The following VPS13D variants were observed in gnomAD, a reference collection of about 807,000 sequenced individuals.
VPS13D encodes vacuolar protein sorting 13 homolog D.
Under a neutral mutation model 461.9 loss-of-function variants are expected in VPS13D, and 187 were observed. That is an observed-to-expected ratio of 0.40 (90% confidence interval 0.36 to 0.46). The LOEUF is 0.46. VPS13D is among the 20% of genes least tolerant of loss of function. The pLI is 0.60. For synonymous variants in VPS13D, 1,951 were observed against 1,986.3 expected (o/e 0.98, Z 0.47); for missense variants, 4,711 against 5,364.9 (o/e 0.88, Z 3.81).
At chr1:12,368,293 C>G (rs1389658150) in intron 52 of VPS13D, among the ~76,000 whole-genome samples, 175 bp from the exon 53 acceptor site, 2 of 152,158 alleles carry the variant, frequency 1.3e-5, no homozygotes, top group East Asian at 3.9e-4. Context: ...ATTTTGTAAT[C>G]ATATTACCAA....
chr1:12,444,189 A>G (rs566281590), intron 65 of VPS13D, among the ~76,000 whole-genome samples: 40 of 152,116 alleles, frequency 2.6e-4, no homozygotes, highest in Non-Finnish European at 5.0e-4. Context: ...TATTTTTACT[A>G]TGTTTATTCT....
rs940641086 is a variant in VPS13D, at chr1:12,505,052, C to G, written c.12795-1801C>G. Among the ~76,000 whole-genome samples the G allele has an allele frequency of 6.6e-6, 1 of 152,178 alleles. No homozygotes were observed. Among genetic ancestry groups the G allele is most frequent in the African/African-American group, 2.4e-5 (1 of 41,442 alleles). ...TTTTCATGCACATTCCTGCTGTCAT[C>G]CCAATCATGGTGGCCAACTTTGGAG... On this transcript the variant is annotated intron_variant, in intron 68 of 69. Transcript: ENST00000620676. This position sits in a 1 kb window ranked among gnomAD's most constrained non-coding sequence, Gnocchi z 4.2.
At chr1:12,322,017 A>T in intron 33 of VPS13D, 53 bp downstream of exon 33, 2 of 1,585,454 alleles carry the variant, frequency 1.3e-6, no homozygotes, top group South Asian at 1.2e-5. Flanking sequence ...ACACTGTCCT[A>T]TGCAGGCACT....
At chr1:12,254,513 CTTTTTTTTTTTTTTTTT>C (rs1017635589) in intron 7 of VPS13D, among the ~76,000 whole-genome samples, 75 of 78,242 alleles carry the variant, frequency 9.6e-4, no homozygotes, top group Admixed American at 1.5e-3. Context: ...AAATCTCAAT[CTTTTTTTTTTTTTTTTT>C]TTTTTTTTTT....
chr1:12,498,784 A>G (rs1645994920), intron 68 of VPS13D, among the ~76,000 whole-genome samples: 1 of 152,116 alleles, frequency 6.6e-6, no homozygotes, highest in South Asian at 2.1e-4. Flanking sequence ...CCCTCTTCTC[A>G]CTGTGTCCCC....
rs145577802 is a variant in VPS13D, at chr1:12,449,102, G to A, written c.12334-6896G>A. ...AAATAGCAACATGGTGTGCATCTTA[G>A]GGTAGGAGGGCTTTTAGATCTCCAG... is the stretch of plus-strand genomic sequence containing the variant. On this transcript the variant is annotated intron_variant, in intron 65 of 69. Transcript: ENST00000620676. Among the ~76,000 whole-genome samples, 214 of 152,058 alleles carry A rather than the reference G, an allele frequency of 1.4e-3. 5 individuals are homozygous for A. In the East Asian group the frequency reaches 0.019, roughly 13 times the overall value.
intron 21 of VPS13D, among the ~76,000 whole-genome samples, chr1:12,286,627 C>G (rs1569809198): frequency 6.6e-6 from 1 of 152,124 alleles, no homozygotes; most frequent in East Asian, 1.9e-4. Context: ...CTAGAGACCC[C>G]ATCAGATTCA....
intron 10 of VPS13D, among the ~76,000 whole-genome samples, chr1:12,259,045 C>CT (rs577485964): frequency 0.024 from 3,452 of 144,676 alleles, 70 homozygotes; most frequent in Middle Eastern, 0.036. Context: ...TCTTCTTCTT[C>CT]TTTTTTTTTT....
chr1:12,262,183 C>T lies in VPS13D; in HGVS notation c.1594+103C>T, dbSNP rs114860755. On this transcript the variant is annotated intron_variant, in intron 13 of 69. Coordinates refer to ENST00000620676, the MANE Select transcript of VPS13D (RefSeq NM_015378.4). ...GTGGGGATAGTCTAGAAAGTCAGTGCGAAAACTGTATTAGCTAATGTGGAA... is the reference window on the plus strand; with the variant it reads ...GTGGGGATAGTCTAGAAAGTCAGTGTGAAAACTGTATTAGCTAATGTGGAA... 1.0e-4 allele frequency: 131 copies of T among 1,289,880 alleles called. No homozygotes were observed. The African/African-American group carries it at 1.4e-3, about 14-fold the overall frequency. The allele number at this position is 1,289,880 out of a possible 1,614,324, so 79.9% of individuals were successfully genotyped here.
chr1:12,354,527 C>T (rs982875379), intron 47 of VPS13D, among the ~76,000 whole-genome samples: 1 of 151,992 alleles, frequency 6.6e-6, no homozygotes, highest in Non-Finnish European at 1.5e-5. Context: ...AAGTAAGACC[C>T]TGTCTCTTAA....
intron 65 of VPS13D, among the ~76,000 whole-genome samples, chr1:12,430,355 AAC>A (rs1045107791): frequency 6.6e-6 from 1 of 152,228 alleles, no homozygotes; most frequent in African/African-American, 2.4e-5. Flanking sequence ...TGGAGGGTCA[AAC>A]AGGGAGTTTG....
At position 12,231,417 on chromosome 1, in the gene VPS13D, C is replaced by T. The variant is rs901256725; in HGVS notation, c.-77+1297C>T. On this transcript the variant is annotated intron_variant, in intron 1 of 69. Transcript: ENST00000620676. Reference sequence around the variant, plus strand: ...TTACTGACCAGGTTGCCTCACAATGCTAATCACTCATGCTTTTAAAATCTG... The same window carrying T: ...TTACTGACCAGGTTGCCTCACAATGTTAATCACTCATGCTTTTAAAATCTG... Among the ~76,000 whole-genome samples the T allele has an allele frequency of 3.3e-5, 5 of 152,218 alleles. No individual in the cohort carries two copies. The South Asian group carries it at 8.3e-4, about 25-fold the overall frequency.
At chr1:12,342,368 T>G (rs1257978329) in intron 41 of VPS13D, among the ~76,000 whole-genome samples, 1 of 152,202 alleles carries the variant, frequency 6.6e-6, no homozygotes, top group Non-Finnish European at 1.5e-5. Flanking sequence ...AAAGGAGACT[T>G]TACCTAAGCC....
rs1036400127 is a variant in VPS13D, at chr1:12,458,990, G to A, written c.12467-1211G>A. Among the ~76,000 whole-genome samples the A allele has an allele frequency of 2.6e-5, 4 of 152,212 alleles. No individual in the cohort carries two copies. In the East Asian group the frequency reaches 7.7e-4, roughly 29 times the overall value. The stretch of plus-strand genomic sequence containing the variant: ...GCTTTTTGGGGTGCTCTTCATGAAG[G>A]TTTTATATAATCGCCGATACCGAAT... On this transcript the variant is annotated intron_variant, in intron 66 of 69. Transcript: ENST00000620676.
chr1:12,259,149 C>T (rs577034390), intron 10 of VPS13D, among the ~76,000 whole-genome samples: 3 of 151,246 alleles, frequency 2.0e-5, no homozygotes, highest in East Asian at 3.9e-4. Context: ...TCAAGCCATT[C>T]TCCCAACTCA....
chr1:12,236,082 C>A (rs981294549), intron 2 of VPS13D, among the ~76,000 whole-genome samples: 1 of 152,182 alleles, frequency 6.6e-6, no homozygotes, highest in African/African-American at 2.4e-5. Flanking sequence ...CTTTAAACTG[C>A]TTTTCTGCCC....
At chr1:12,329,802 C>G in intron 36 of VPS13D, 27 bp from the exon 37 acceptor site, 1 of 1,608,088 alleles carries the variant, frequency 6.2e-7, no homozygotes, top group African/African-American at 1.3e-5. Flanking sequence ...TGCCCTGCCG[C>G]TGCAGTAAGG....
chr1:12,317,071 T>C (rs150313544), intron 30 of VPS13D, among the ~76,000 whole-genome samples: 1 of 151,140 alleles, frequency 6.6e-6, no homozygotes, highest in East Asian at 2.0e-4. Flanking sequence ...ATCTTACTTG[T>C]TCTCCTCGGG....
intron 40 of VPS13D, among the ~76,000 whole-genome samples, chr1:12,339,933 T>C (rs1417922662): frequency 6.6e-6 from 1 of 152,198 alleles, no homozygotes; most frequent in Admixed American, 6.5e-5. Flanking sequence ...TTAAATCTAA[T>C]TTGCAAATGG....
Sources: allele counts gnomAD v4.1 joint callset (sites outside exome capture counted in the v4.1 genomes callset), GRCh38; gene constraint gnomAD v4.1.1; non-coding constraint Gnocchi (gnomAD v3.1); transcripts MANE v1.5; gene names NCBI Gene and HGNC (gene_info 2026-07-23, HGNC 2026-07-21).